Variants in DCAF8L2 observed in about 807,000 individuals in gnomAD.
DCAF8L2 encodes the protein DDB1- and CUL4-associated factor 8-like protein 2.
For synonymous variants in DCAF8L2, 200 were observed against 190.9 expected (o/e 1.05, Z -0.39); for missense variants, 430 against 490.7 (o/e 0.88, Z 1.17).
chrX:27,691,997 A>G (rs1470375017), intron 3 of DCAF8L2, among the ~76,000 whole-genome samples: 1 of 111,963 alleles, frequency 8.9e-6, no homozygotes, highest in African/African-American at 3.2e-5. Context: ...GCTTCTGTTG[A>G]ACATACAGTC....
At chrX:27,563,280 C>G in the DCAF8L2 span, among the ~76,000 whole-genome samples, 1 of 110,941 alleles carries the variant, frequency 9.0e-6, no homozygotes, top group Non-Finnish European at 1.9e-5. Context: ...TTCTTGCCTG[C>G]TGGTTTTTAT....
At chrX:27,524,397 G>A in the DCAF8L2 span, among the ~76,000 whole-genome samples, 7 of 111,190 alleles carry the variant, frequency 6.3e-5, no homozygotes, top group African/African-American at 2.0e-4. Context: ...ATTTTTTATT[G>A]CATCTATTTG....
At chrX:27,492,981 C>G in the DCAF8L2 span, among the ~76,000 whole-genome samples, 1 of 111,700 alleles carries the variant, frequency 9.0e-6, no homozygotes, top group African/African-American at 3.3e-5. Flanking sequence ...CCTGTAATCT[C>G]AACACTTTGG....
chrX:27,746,939 G>A lies in DCAF8L2; in HGVS notation c.44G>A (p.Gly15Glu). 1 of 1,206,244 alleles carries A rather than the reference G, an allele frequency of 8.3e-7. No individual in the cohort carries two copies. Among genetic ancestry groups the A allele is most frequent in the Non-Finnish European group, 1.1e-6 (1 of 893,136 alleles). The change falls in exon 5 of 5, where the codon GGG becomes GAG. Residue 15 changes from glycine (G) to glutamate (E), a missense_variant. Physicochemically the swap from Gly to Glu is moderately conservative, Grantham distance 98. Transcript: ENST00000451261. ...AGCACAGACGGCTTACCAGACTTAG[G>A]GACTGAAAGCCTGTTCAGCAGCCCA... Reference protein sequence around the residue: ...EGSTDGLPDLGTESLFSSPEE... With the variant: ...EGSTDGLPDLETESLFSSPEE...
intron 2 of DCAF8L2, among the ~76,000 whole-genome samples, chrX:27,662,931 A>C (rs1218791224): frequency 8.9e-6 from 1 of 111,937 alleles, no homozygotes; most frequent in African/African-American, 3.2e-5. Context: ...TATAAAAATA[A>C]TTATATTTTT....
intron 2 of DCAF8L2, among the ~76,000 whole-genome samples, chrX:27,653,447 T>A (rs1278895244): frequency 2.7e-5 from 3 of 111,294 alleles, no homozygotes; most frequent in South Asian, 3.8e-4. Context: ...GGTTATTTTT[T>A]AAAAATTCAT....
At chrX:27,600,378 T>C (rs193042264) in intron 1 of DCAF8L2, among the ~76,000 whole-genome samples, 1 of 111,953 alleles carries the variant, frequency 8.9e-6, no homozygotes, top group Non-Finnish European at 1.9e-5. Flanking sequence ...GTCAAGGGTA[T>C]AGTGACCAAA....
intron 3 of DCAF8L2, among the ~76,000 whole-genome samples, chrX:27,692,372 T>C (rs1275941207): frequency 8.9e-6 from 1 of 112,003 alleles, no homozygotes; most frequent in African/African-American, 3.2e-5. Flanking sequence ...CAGGATATGA[T>C]AAGATTGGCA....
chrX:27,563,190 G>A, the DCAF8L2 span, among the ~76,000 whole-genome samples: 1 of 110,899 alleles, frequency 9.0e-6, no homozygotes, highest in Non-Finnish European at 1.9e-5. Flanking sequence ...TATAGCTTGA[G>A]AGGTTCACCT....
the DCAF8L2 span, among the ~76,000 whole-genome samples, chrX:27,500,458 C>T: frequency 9.0e-6 from 1 of 111,452 alleles, no homozygotes; most frequent in African/African-American, 3.3e-5. Flanking sequence ...TTTCACAGAT[C>T]GGCCATGTAG....
upstream of DCAF8L2, among the ~76,000 whole-genome samples, chrX:27,589,375 T>G (rs774722367): frequency 3.5e-4 from 39 of 112,108 alleles, 1 homozygote; most frequent in South Asian, 3.7e-4. Context: ...GGCAAATGCA[T>G]TGCAAGAAAG....
chrX:27,507,471 C>T, the DCAF8L2 span, among the ~76,000 whole-genome samples: 3 of 111,656 alleles, frequency 2.7e-5, no homozygotes, highest in Non-Finnish European at 3.8e-5. Flanking sequence ...TCTCCTAAAG[C>T]GCAAACTATA....
chrX:27,514,124 G>A, the DCAF8L2 span, among the ~76,000 whole-genome samples: 1 of 73,963 alleles, frequency 1.4e-5, no homozygotes, highest in African/African-American at 7.4e-5. Context: ...GTAAAGAAAA[G>A]TGTATATGTA....
At chrX:27,498,120 A>G in the DCAF8L2 span, among the ~76,000 whole-genome samples, 1 of 112,431 alleles carries the variant, frequency 8.9e-6, no homozygotes, top group Admixed American at 9.4e-5. Flanking sequence ...GCTATTGTAA[A>G]TAGTACTGCT....
intron 2 of DCAF8L2, among the ~76,000 whole-genome samples, chrX:27,672,671 A>C (rs904658127): frequency 7.1e-5 from 8 of 112,152 alleles, no homozygotes; most frequent in Non-Finnish European, 1.1e-4. Context: ...CAGGAATAAA[A>C]GAGGTTGGCA....
chrX:27,677,629 T>C (rs1423126687), intron 2 of DCAF8L2, among the ~76,000 whole-genome samples: 6 of 111,178 alleles, frequency 5.4e-5, no homozygotes, highest in Non-Finnish European at 1.1e-4. Context: ...AAATAAAGCT[T>C]AGGAAAAGTA....
Position 27,747,472 on chromosome X carries a change from C to A in DCAF8L2, c.577C>A (p.Leu193Ile). ...PRPRWQVVTA[L>I]HQRQLGSRPR... ...ACCTCGCTGGCAGGTCGTTACTGCT[C>A]TTCACCAGCGGCAGCTGGGTTCACG... is the stretch of plus-strand genomic sequence containing the variant. The change falls in exon 5 of 5, where the codon CTT becomes ATT. Residue 193 changes from leucine to isoleucine, a missense_variant. Transcript: ENST00000451261. 8.5e-7 allele frequency: 1 copy of A among 1,176,150 alleles called. No individual in the cohort carries two copies. The highest frequency in any genetic ancestry group is 3.2e-5 in the East Asian group (1 of 31,450).
the DCAF8L2 span, among the ~76,000 whole-genome samples, chrX:27,563,221 G>GA: frequency 0.011 from 1,180 of 109,616 alleles, 13 homozygotes; most frequent in African/African-American, 0.037. Context: ...GAAAAAAATA[G>GA]AAAAAAAAAT....
At chrX:27,556,823 C>T in the DCAF8L2 span, among the ~76,000 whole-genome samples, 20 of 111,975 alleles carry the variant, frequency 1.8e-4, no homozygotes, top group Admixed American at 1.9e-3. Context: ...GACAGGTCAT[C>T]CGTGCTTTTC....
Sources: allele counts gnomAD v4.1 joint callset (sites outside exome capture counted in the v4.1 genomes callset), GRCh38; gene constraint gnomAD v4.1.1; transcripts MANE v1.5; gene names NCBI Gene and HGNC (gene_info 2026-07-23, HGNC 2026-07-21).